The following TNRC6A variants were observed in gnomAD, a reference collection of about 807,000 sequenced individuals.
TNRC6A encodes the protein trinucleotide repeat-containing gene 6A protein.
Under a neutral mutation model 221.2 loss-of-function variants are expected in TNRC6A, and 44 were observed. The ratio of observed to expected loss-of-function variants is 0.20; its 90% CI spans 0.16 to 0.26. TNRC6A has a LOEUF of 0.26. TNRC6A is among the 10% of genes least tolerant of loss of function. The pLI, the probability that TNRC6A is intolerant of heterozygous loss-of-function variation, is 1.00. For synonymous variants in TNRC6A, 847 were observed against 838.5 expected, an observed-to-expected ratio of 1.01 and a Z score of -0.18; for missense variants, 2,199 against 2,404.4, an observed-to-expected ratio of 0.91 and a Z score of 1.79.
intron 7 of TNRC6A, 120 bp from the exon 8 acceptor site, chr16:24,794,424 A>G: frequency 1.1e-6 from 1 of 950,346 alleles, no homozygotes; most frequent in South Asian, 2.1e-5. Context: ...AGGAAGGGAA[A>G]TAAGTGTGCA....
chr16:24,797,303 G>A (rs778534270), intron 9 of TNRC6A, among the ~76,000 whole-genome samples, 187 bp from the exon 10 acceptor site: 11 of 152,172 alleles, frequency 7.2e-5, no homozygotes, highest in Non-Finnish European at 1.6e-4. Flanking sequence ...GAGGACTGGA[G>A]CAAAGGAAGT....
intron 2 of TNRC6A, among the ~76,000 whole-genome samples, chr16:24,690,169 C>T (rs1053621908): frequency 6.6e-6 from 1 of 151,766 alleles, no homozygotes; most frequent in Admixed American, 6.6e-5. Flanking sequence ...GCCACCATGC[C>T]CAGCTAATTT....
rs186685999 is a variant in TNRC6A, at chr16:24,776,338, C to A, written c.164-595C>A. On this transcript the variant is annotated intron_variant, in intron 4 of 24. Coordinates refer to ENST00000395799, the MANE Select transcript of TNRC6A (RefSeq NM_014494.4). ...TGATTCATCTCATAGATAACGTTAT[C>A]TTTGTCTTTAGTTCCATGTTCTGAG... The A allele has an allele frequency of 6.2e-4, 606 of 984,840 alleles. 1 individual carries two copies. In the African/African-American group the frequency reaches 0.01, roughly 16 times the overall value. The allele number at this position is 984,840 out of a possible 1,614,324, so 61.0% of individuals were successfully genotyped here.
At chr16:24,816,617 T>TA in intron 19 of TNRC6A, 199 bp from the exon 20 acceptor site, 3 of 604,362 alleles carry the variant, frequency 5.0e-6, no homozygotes, top group Non-Finnish European at 8.1e-6. Context: ...ATTTCAGTTG[T>TA]AAAAACTTGC....
intron 1 of TNRC6A, among the ~76,000 whole-genome samples, chr16:24,624,129 G>A (rs1029988930): frequency 3.9e-5 from 6 of 152,066 alleles, no homozygotes; most frequent in Admixed American, 6.6e-5. Flanking sequence ...GGGACAACTC[G>A]GGGTAAGTCC....
intron 2 of TNRC6A, chr16:24,664,812 C>CAAAA (rs1555486918): frequency 1.0e-4 from 44 of 439,678 alleles, no homozygotes; most frequent in African/African-American, 9.5e-4. Context: ...CACACACACA[C>CAAAA]AAAACCTATA....
intron 4 of TNRC6A, among the ~76,000 whole-genome samples, chr16:24,771,582 T>TTATGTTATGTTATGTTGTTA: frequency 1.0e-5 from 1 of 95,480 alleles, no homozygotes; most frequent in Non-Finnish European, 2.0e-5. Context: ...TTATGTTATG[T>TTATGTTATGTTATGTTGTTA]TGTTATGTTA....
At chr16:24,677,298 G>T (rs556434625) in intron 2 of TNRC6A, among the ~76,000 whole-genome samples, 1 of 151,872 alleles carries the variant, frequency 6.6e-6, no homozygotes, top group African/African-American at 2.4e-5. Flanking sequence ...GAGTAGCTGG[G>T]ATTACAGGCA....
intron 2 of TNRC6A, among the ~76,000 whole-genome samples, chr16:24,656,152 A>AG (rs1555485614): frequency 3.3e-5 from 5 of 150,672 alleles, no homozygotes; most frequent in Admixed American, 6.6e-5. Context: ...AAAAAAAAAA[A>AG]AAAAGAAAAG....
chr16:24,750,861 T>TAA (rs34485608), intron 3 of TNRC6A, 48 bp downstream of exon 3: 69 of 1,342,030 alleles, frequency 5.1e-5, no homozygotes, highest in East Asian at 2.2e-4. Context: ...AACATAGAAT[T>TAA]AAAAAAAAAT....
intron 4 of TNRC6A, among the ~76,000 whole-genome samples, chr16:24,760,612 G>A (rs2057343063): frequency 1.3e-5 from 2 of 151,882 alleles, no homozygotes; most frequent in Non-Finnish European, 1.5e-5. Context: ...TTTTATTTCT[G>A]TGCTATGTAT....
intron 2 of TNRC6A, among the ~76,000 whole-genome samples, chr16:24,677,654 G>A (rs1336317468): frequency 6.6e-6 from 1 of 152,180 alleles, no homozygotes; most frequent in Non-Finnish European, 1.5e-5. Context: ...TTATGCTCAT[G>A]ATCTCTCTAG....
At chr16:24,704,999 A>AT (rs2056069066) in intron 2 of TNRC6A, among the ~76,000 whole-genome samples, 1 of 151,958 alleles carries the variant, frequency 6.6e-6, no homozygotes, top group African/African-American at 2.4e-5. Context: ...ATGAACTTAA[A>AT]TTTTTTTTAA....
At chr16:24,629,945 C>G (rs1901246196) in intron 1 of TNRC6A, among the ~76,000 whole-genome samples, 1 of 151,510 alleles carries the variant, frequency 6.6e-6, no homozygotes, top group African/African-American at 2.4e-5. Context: ...TGCACTCCAG[C>G]CTGGGTGACA....
intron 1 of TNRC6A, among the ~76,000 whole-genome samples, chr16:24,614,766 T>C (rs1265520465): frequency 1.3e-5 from 2 of 152,168 alleles, no homozygotes; most frequent in Admixed American, 6.5e-5. Context: ...AGGAAGGCAA[T>C]TTAATTTAAA....
intron 20 of TNRC6A, 91 bp from the exon 21 acceptor site, chr16:24,818,502 C>T (rs1272843740): frequency 2.1e-6 from 2 of 953,818 alleles, no homozygotes; most frequent in South Asian, 1.4e-5. Flanking sequence ...TTGTGGCATA[C>T]TGTTAGCTTT....
At chr16:24,730,696 A>G (rs961852252) in intron 2 of TNRC6A, among the ~76,000 whole-genome samples, 1 of 147,224 alleles carries the variant, frequency 6.8e-6, no homozygotes, top group Non-Finnish European at 1.5e-5. Flanking sequence ...TGTAGCTCAA[A>G]TTGTTGCTTT....
rs143340469 is a variant in TNRC6A, at chr16:24,791,138, G to A, written c.2496G>A (p.Ser832=). 201 of 1,614,028 alleles carry A rather than the reference G, an allele frequency of 1.2e-4. No homozygotes were observed. The East Asian group carries it at 4.1e-3, about 33-fold the overall frequency. ...AGGAGAAGGCTGCATGGAATGACTC[G>A]CAAAAGAATAAACAGGGATGGGGTG... ...CKEEKAAWND[S]QKNKQGWGDG... is the part of the protein sequence containing the mutation. Residue 832 remains serine (S), a synonymous_variant, in exon 6 of 25, where the codon TCG becomes TCA. Coordinates refer to ENST00000395799, the MANE Select transcript of TNRC6A (RefSeq NM_014494.4).
chr16:24,610,884 C>T (rs903385705), intron 1 of TNRC6A, among the ~76,000 whole-genome samples: 2 of 152,100 alleles, frequency 1.3e-5, no homozygotes, highest in African/African-American at 2.4e-5. Context: ...AATCTCGGCT[C>T]GCTGCAACCT....
Sources: gnomAD v4.1 joint callset for allele counts (sites outside exome capture counted in the v4.1 genomes callset) on GRCh38, gnomAD v4.1.1 for gene constraint, MANE v1.5 for transcripts, NCBI Gene and HGNC (gene_info 2026-07-23, HGNC 2026-07-21) for gene names.